ADAMTSL3: variants seen among roughly 807,000 people sequenced by gnomAD.
ADAMTSL3 encodes ADAMTS-like protein 3.
In ADAMTSL3, 128 loss-of-function variants were observed where a neutral mutation model predicts 201.7. The observed-to-expected ratio is 0.63, with a 90% CI of 0.55 to 0.73. The LOEUF (loss-of-function observed/expected upper bound fraction) is 0.73. ADAMTSL3 is among the 30% of genes least tolerant of loss of function. ADAMTSL3 has a pLI of 0.00. For missense variants in ADAMTSL3, 1,990 were observed against 2,119.6 expected (o/e 0.94, Z 1.20); for synonymous variants, 738 against 748.4 (o/e 0.99, Z 0.23).
At chr15:83,839,780 A>G (rs917783327) in intron 7 of ADAMTSL3, among the ~76,000 whole-genome samples, 3 of 152,276 alleles carry the variant, frequency 2.0e-5, no homozygotes, top group Middle Eastern at 6.8e-3. Flanking sequence ...CAAATTTTCC[A>G]TCTTGTGCAG....
chr15:83,990,983 C>T, intron 22 of ADAMTSL3, 103 bp from the exon 23 acceptor site: 2 of 1,528,952 alleles, frequency 1.3e-6, no homozygotes, highest in Non-Finnish European at 1.8e-6. Flanking sequence ...CAGGACTCCA[C>T]TCCTGCCCTC....
At chr15:83,786,859 T>A (rs1276767964) in intron 4 of ADAMTSL3, among the ~76,000 whole-genome samples, 1 of 152,182 alleles carries the variant, frequency 6.6e-6, no homozygotes, top group Non-Finnish European at 1.5e-5. Flanking sequence ...ATATAGTACT[T>A]GCATCCATTA....
intron 23 of ADAMTSL3, among the ~76,000 whole-genome samples, chr15:84,008,940 C>A (rs2067952703): frequency 6.6e-6 from 1 of 152,128 alleles, no homozygotes; most frequent in Admixed American, 6.6e-5. Context: ...CACACTACCC[C>A]ACCCCCATCA....
intron 2 of ADAMTSL3, among the ~76,000 whole-genome samples, chr15:83,681,965 A>G (rs2061481462): frequency 2.0e-5 from 3 of 152,204 alleles, no homozygotes; most frequent in Admixed American, 2.0e-4. Flanking sequence ...TACTTGATCT[A>G]GCAAAAACAC....
chr15:83,793,019 T>A (rs1446835233), intron 4 of ADAMTSL3, among the ~76,000 whole-genome samples: 2 of 152,100 alleles, frequency 1.3e-5, no homozygotes, highest in Non-Finnish European at 2.9e-5. Flanking sequence ...ATGAAGGAAA[T>A]CCTATTATTT....
chr15:83,844,178 A>G (rs1007675339), intron 7 of ADAMTSL3, among the ~76,000 whole-genome samples: 2 of 152,178 alleles, frequency 1.3e-5, no homozygotes, highest in Non-Finnish European at 2.9e-5. Flanking sequence ...AGCCAAGCCT[A>G]TTGATACAGT....
intron 23 of ADAMTSL3, among the ~76,000 whole-genome samples, chr15:83,992,198 T>C (rs2067593431): frequency 6.6e-6 from 1 of 152,192 alleles, no homozygotes; most frequent in African/African-American, 2.4e-5. Context: ...AGGGTGCATG[T>C]AATGAGGGAT....
chr15:83,863,938 C>T (rs2064921362), intron 8 of ADAMTSL3, among the ~76,000 whole-genome samples: 1 of 152,132 alleles, frequency 6.6e-6, no homozygotes, highest in Non-Finnish European at 1.5e-5. Context: ...GATATCACCA[C>T]CGATCCCACA....
chr15:83,764,917 A>G (rs766040616), intron 3 of ADAMTSL3, among the ~76,000 whole-genome samples: 2 of 152,312 alleles, frequency 1.3e-5, no homozygotes, highest in East Asian at 1.9e-4. Context: ...TAGGGCACAA[A>G]CAGCCTAGAG....
chr15:83,938,952 T>G (rs754375005), intron 17 of ADAMTSL3, among the ~76,000 whole-genome samples: 2 of 152,310 alleles, frequency 1.3e-5, no homozygotes, highest in African/African-American at 2.4e-5. Flanking sequence ...GCCCTTGCTT[T>G]TTTGGATGCG....
Position 83,978,217 on chromosome 15 carries a change from A to G in ADAMTSL3, c.2645-4056A>G, listed in dbSNP as rs577878379. The stretch of plus-strand genomic sequence containing the variant: ...CATGCCAGGGATATGACTGGAGTAA[A>G]GGCAGGACCCAGTAAGCAAGGAGCT... On this transcript the variant is annotated intron_variant, in intron 20 of 29. Transcript: ENST00000286744. Among the ~76,000 whole-genome samples the G allele has an allele frequency of 5.3e-5, 8 of 152,338 alleles. No homozygotes were observed. In the East Asian group the frequency reaches 1.3e-3, roughly 26 times the overall value.
chr15:83,942,619 C>A lies in ADAMTSL3; in HGVS notation c.2141C>A (p.Pro714His). ...AGGTGGCATGTGGGCTCTTGGGGGC[C>A]CTGCTCAGCTACCTGTGGAGTTGGA... ...PPRWHVGSWG[P>H]CSATCGVGIQ... The change falls in exon 18 of 30, where the codon CCC becomes CAC. Residue 714 changes from proline (P) to histidine (H), a missense_variant. Transcript: ENST00000286744. 6.2e-7 allele frequency: 1 copy of A among 1,613,606 alleles called. No individual in the cohort carries two copies. Among genetic ancestry groups the A allele is most frequent in the Non-Finnish European group, 8.5e-7 (1 of 1,179,886 alleles).
intron 3 of ADAMTSL3, among the ~76,000 whole-genome samples, chr15:83,755,320 C>T (rs1013518020): frequency 9.2e-5 from 14 of 152,100 alleles, no homozygotes; most frequent in African/African-American, 3.4e-4. Flanking sequence ...GCATCATGTA[C>T]ATTCACATTG....
At chr15:83,858,678 C>A in intron 7 of ADAMTSL3, 88 bp from the exon 8 acceptor site, 1 of 984,250 alleles carries the variant, frequency 1.0e-6, no homozygotes, top group Non-Finnish European at 1.6e-6. Context: ...GAATATTTTG[C>A]AGACGCCCCC....
At chr15:83,773,841 A>G (rs1161508114) in intron 4 of ADAMTSL3, among the ~76,000 whole-genome samples, 191 bp downstream of exon 4, 1 of 152,184 alleles carries the variant, frequency 6.6e-6, no homozygotes, top group African/African-American at 2.4e-5. Flanking sequence ...GGGTGTGGCC[A>G]TGTTGCGCAC....
chr15:83,680,593 C>T (rs1027321660), intron 2 of ADAMTSL3, among the ~76,000 whole-genome samples: 2 of 142,142 alleles, frequency 1.4e-5, no homozygotes, highest in Non-Finnish European at 3.1e-5. Flanking sequence ...TTTTTCTGTT[C>T]CCTTCTTTAA....
intron 7 of ADAMTSL3, 59 bp from the exon 8 acceptor site, chr15:83,858,707 C>G: frequency 7.4e-7 from 1 of 1,357,910 alleles, no homozygotes; most frequent in African/African-American, 1.5e-5. Context: ...TTGACTTGCT[C>G]ATTTTCATGG....
At chr15:83,845,796 T>G (rs1314379916) in intron 7 of ADAMTSL3, among the ~76,000 whole-genome samples, 2 of 152,204 alleles carry the variant, frequency 1.3e-5, no homozygotes, top group African/African-American at 4.8e-5. Flanking sequence ...AAGAATGAGT[T>G]GGTGTGAGGT....
intron 5 of ADAMTSL3, among the ~76,000 whole-genome samples, chr15:83,805,035 A>G (rs1260445276): frequency 1.3e-5 from 2 of 152,112 alleles, no homozygotes; most frequent in Non-Finnish European, 1.5e-5. Flanking sequence ...AGGTGCAGCT[A>G]TTTCTCTTTT....
Sources: gnomAD v4.1 joint callset for allele counts (sites outside exome capture counted in the v4.1 genomes callset) on GRCh38, gnomAD v4.1.1 for gene constraint, MANE v1.5 for transcripts, NCBI Gene and HGNC (gene_info 2026-07-23, HGNC 2026-07-21) for gene names.